FSTL5: variants seen among roughly 807,000 people sequenced by gnomAD.
The protein encoded by FSTL5 is follistatin like 5, also known as follistatin-related protein 5.
FSTL5 carries 62 observed loss-of-function variants against 89.1 expected under a neutral mutation model. That is an observed-to-expected ratio of 0.70 (90% CI 0.57 to 0.86). The LOEUF (loss-of-function observed/expected upper bound fraction) is 0.86. FSTL5 is among the 40% of genes least tolerant of loss of function. The probability of loss-of-function intolerance (pLI) is 0.00; values close to 1 mark genes in which losing one functional copy is unlikely to be tolerated. For synonymous variants in FSTL5, 383 were observed against 346.2 expected (o/e 1.11, Z -1.18); for missense variants, 1,057 against 1,001.6 (o/e 1.06, Z -0.75).
chr4:161,563,742 G>C (rs746668318), intron 8 of FSTL5, among the ~76,000 whole-genome samples: 4 of 151,938 alleles, frequency 2.6e-5, no homozygotes, highest in Non-Finnish European at 4.4e-5. Context: ...GCCAGAAAGT[G>C]CACATATTGT....
chr4:162,053,024 AATGG>A (rs1375127761), intron 2 of FSTL5, among the ~76,000 whole-genome samples: 2 of 151,768 alleles, frequency 1.3e-5, no homozygotes, highest in African/African-American at 4.8e-5. Flanking sequence ...AAAAGTAATA[AATGG>A]ATGGAATGGT....
At chr4:161,710,296 T>C (rs956986452) in intron 6 of FSTL5, among the ~76,000 whole-genome samples, 3 of 152,150 alleles carry the variant, frequency 2.0e-5, no homozygotes, top group African/African-American at 7.2e-5. Context: ...GTCTAAATAA[T>C]ATACTTTTTA....
At chr4:162,124,725 A>G (rs1732004334) in intron 1 of FSTL5, among the ~76,000 whole-genome samples, 1 of 151,732 alleles carries the variant, frequency 6.6e-6, no homozygotes, top group Admixed American at 6.6e-5. Context: ...TCTGAGACAG[A>G]GTCTCGCTCT....
intron 1 of FSTL5, among the ~76,000 whole-genome samples, chr4:162,138,674 G>A (rs1034710503): frequency 1.3e-5 from 2 of 151,892 alleles, no homozygotes; most frequent in African/African-American, 4.8e-5. Context: ...GTAATAATTG[G>A]AAAGTTTAGA....
intron 10 of FSTL5, among the ~76,000 whole-genome samples, chr4:161,511,238 T>A (rs1418028933): frequency 6.6e-6 from 1 of 152,144 alleles, no homozygotes; most frequent in Admixed American, 6.6e-5. Flanking sequence ...TTGACCATAT[T>A]AAAACTTAAT....
intron 6 of FSTL5, among the ~76,000 whole-genome samples, chr4:161,709,567 G>A (rs1446045054): frequency 2.0e-5 from 3 of 152,096 alleles, no homozygotes; most frequent in Non-Finnish European, 2.9e-5. Context: ...TTGGGAGGCC[G>A]AGGCAGGATG....
At chr4:162,083,107 T>C (rs967328872) in intron 2 of FSTL5, among the ~76,000 whole-genome samples, 1 of 151,742 alleles carries the variant, frequency 6.6e-6, no homozygotes, top group African/African-American at 2.4e-5. Context: ...AAATAGTTTA[T>C]AATAAGAATA....
intron 4 of FSTL5, among the ~76,000 whole-genome samples, chr4:161,893,265 G>T (rs149872993): frequency 3.4e-4 from 52 of 152,214 alleles, no homozygotes; most frequent in African/African-American, 1.2e-3. Context: ...TTATCAAAGA[G>T]AAGCTCAAAT....
intron 13 of FSTL5, among the ~76,000 whole-genome samples, chr4:161,480,092 T>C (rs1729443160): frequency 6.6e-6 from 1 of 152,102 alleles, no homozygotes; most frequent in South Asian, 2.1e-4. Flanking sequence ...TTCAAACCAA[T>C]ATTGACTGAA....
At chr4:161,503,848 A>G (rs1170445035) in intron 11 of FSTL5, among the ~76,000 whole-genome samples, 7 of 152,074 alleles carry the variant, frequency 4.6e-5, no homozygotes, top group Non-Finnish European at 1.0e-4. Flanking sequence ...AACATAATAT[A>G]AAGACTTTAT....
intron 2 of FSTL5, among the ~76,000 whole-genome samples, chr4:162,067,254 T>C (rs1738951703): frequency 6.6e-6 from 1 of 152,118 alleles, no homozygotes. Context: ...GGTTGCACCA[T>C]GTTGCTCAGG....
At chr4:162,021,080 T>C (rs1282737236) in intron 3 of FSTL5, among the ~76,000 whole-genome samples, 6 of 152,134 alleles carry the variant, frequency 3.9e-5, no homozygotes, top group Non-Finnish European at 8.8e-5. Flanking sequence ...TTATTTGCTG[T>C]GATAAATACA....
At chr4:161,660,663 C>T (rs1736674278) in intron 6 of FSTL5, among the ~76,000 whole-genome samples, 1 of 151,948 alleles carries the variant, frequency 6.6e-6, no homozygotes, top group African/African-American at 2.4e-5. Context: ...TGTGTTGTTC[C>T]CATCTATGTG....
At chr4:161,632,513 A>G (rs746289411) in intron 7 of FSTL5, among the ~76,000 whole-genome samples, 6 of 152,220 alleles carry the variant, frequency 3.9e-5, no homozygotes, top group Admixed American at 1.3e-4. Context: ...GCCAAATAAC[A>G]TGGCTAAGTA....
chr4:161,715,934 C>T (rs1221808029), intron 6 of FSTL5, among the ~76,000 whole-genome samples: 1 of 152,216 alleles, frequency 6.6e-6, no homozygotes, highest in Admixed American at 6.5e-5. Flanking sequence ...CTTGCTCTCT[C>T]CCTATTCCAG....
At chr4:162,082,146 C>A (rs963194407) in intron 2 of FSTL5, among the ~76,000 whole-genome samples, 11 of 151,586 alleles carry the variant, frequency 7.3e-5, no homozygotes, top group African/African-American at 1.7e-4. Flanking sequence ...ATTCTTGTGC[C>A]TTTATCAGTG....
intron 13 of FSTL5, among the ~76,000 whole-genome samples, chr4:161,468,276 T>C (rs1340457413): frequency 6.6e-6 from 1 of 151,710 alleles, no homozygotes; most frequent in Non-Finnish European, 1.5e-5. Context: ...TAGGAACATA[T>C]TTGATATGTT....
chr4:161,805,762 C>T (rs540036547), intron 4 of FSTL5, among the ~76,000 whole-genome samples: 3 of 152,134 alleles, frequency 2.0e-5, no homozygotes, highest in South Asian at 2.1e-4. Context: ...TGGAGGTGCT[C>T]AGAGGGAGGC....
intron 4 of FSTL5, among the ~76,000 whole-genome samples, chr4:161,851,690 T>C (rs1731553792): frequency 6.6e-6 from 1 of 152,134 alleles, no homozygotes; most frequent in African/African-American, 2.4e-5. Context: ...ACAGGAAATT[T>C]TATAATAACT....
Sources: gnomAD v4.1 joint callset for allele counts (sites outside exome capture counted in the v4.1 genomes callset) on GRCh38, gnomAD v4.1.1 for gene constraint, MANE v1.5 for transcripts, NCBI Gene and HGNC (gene_info 2026-07-23, HGNC 2026-07-21) for gene names.